Variants in TEX9 observed in about 807,000 individuals in gnomAD.
TEX9 encodes the protein testis-expressed protein 9.
In TEX9, 74 loss-of-function variants were observed where a neutral mutation model predicts 59.6. The ratio of observed to expected loss-of-function variants is 1.24; its 90% CI spans 1.03 to 1.51. TEX9 has a LOEUF of 1.51. TEX9 is among the 40% of genes most tolerant of loss of function. The probability of loss-of-function intolerance (pLI) is 0.00; values close to 1 mark genes in which losing one functional copy is unlikely to be tolerated. For synonymous variants in TEX9, 186 were observed against 152.2 expected (o/e 1.22, Z -1.64); for missense variants, 522 against 447.8 (o/e 1.17, Z -1.49).
chr15:56,385,709 CA>C (rs1292462958), intron 4 of TEX9, among the ~76,000 whole-genome samples: 2 of 151,890 alleles, frequency 1.3e-5, no homozygotes, highest in Non-Finnish European at 2.9e-5. Context: ...GAAACTCTAA[CA>C]ATGGACTATA....
chr15:56,321,806 C>G (rs2718922), intron 1 of TEX9, among the ~76,000 whole-genome samples: 75,119 of 151,948 alleles, frequency 0.49, 20,016 homozygotes, highest in Non-Finnish European at 0.6. Flanking sequence ...ATTTGAATGA[C>G]TCCTGCAGAT....
At chr15:56,258,032 A>G (rs1399790235) in intron 1 of TEX9, among the ~76,000 whole-genome samples, 3 of 151,858 alleles carry the variant, frequency 2.0e-5, no homozygotes, top group Non-Finnish European at 4.4e-5. Context: ...CCAGCACCAC[A>G]TATTAAATAG....
chr15:56,396,543 G>A (rs377399725), intron 9 of TEX9: 52 of 145,614 alleles, frequency 3.6e-4, no homozygotes, highest in African/African-American at 1.1e-3. Flanking sequence ...AAATAGAATC[G>A]CATTGGATAT....
chr15:56,323,719 A>T (rs1160244182), intron 1 of TEX9: 1 of 21,972 alleles, frequency 4.6e-5, no homozygotes, highest in Admixed American at 5.8e-4. Flanking sequence ...GAGGAGAAGG[A>T]GGAAGAGGAG....
At chr15:56,334,212 A>G (rs187036036) in intron 1 of TEX9, among the ~76,000 whole-genome samples, 4 of 152,278 alleles carry the variant, frequency 2.6e-5, no homozygotes, top group Non-Finnish European at 1.5e-5. Context: ...AGCTATCCCA[A>G]GCAAATGAAC....
chr15:56,268,466 G>A (rs543962321), intron 1 of TEX9, among the ~76,000 whole-genome samples: 58 of 152,090 alleles, frequency 3.8e-4, no homozygotes, highest in African/African-American at 1.0e-3. Context: ...TGGGTTTGTC[G>A]TAAATAGCTC....
At chr15:56,411,900 C>G (rs2049370765) in intron 9 of TEX9, among the ~76,000 whole-genome samples, 1 of 152,044 alleles carries the variant, frequency 6.6e-6, no homozygotes, top group Admixed American at 6.6e-5. Context: ...TTTACTTTGT[C>G]AGGTATACAG....
intron 1 of TEX9, among the ~76,000 whole-genome samples, chr15:56,312,153 A>G (rs1384233200): frequency 2.0e-5 from 3 of 148,688 alleles, no homozygotes; most frequent in African/African-American, 7.3e-5. Context: ...GTTTAATTAC[A>G]TCCCATTTGT....
intron 4 of TEX9, among the ~76,000 whole-genome samples, chr15:56,385,229 C>G (rs1010062018): frequency 4.6e-5 from 7 of 152,142 alleles, no homozygotes; most frequent in Admixed American, 6.6e-5. Context: ...ATTATGCCAA[C>G]AGCACACTCT....
chr15:56,329,039 T>A (rs1596093894), intron 1 of TEX9, among the ~76,000 whole-genome samples: 1 of 152,140 alleles, frequency 6.6e-6, no homozygotes, highest in South Asian at 2.1e-4. Flanking sequence ...GCCTCAGAAG[T>A]GCTGGTGTCA....
chr15:56,391,499 A>G, intron 7 of TEX9, 81 bp downstream of exon 7: 4 of 997,216 alleles, frequency 4.0e-6, no homozygotes, highest in Middle Eastern at 3.1e-4. Flanking sequence ...TATTTCTTCC[A>G]TTTAAAAAAA....
chr15:56,371,529 A>C (rs2047190129), intron 2 of TEX9, among the ~76,000 whole-genome samples: 1 of 151,050 alleles, frequency 6.6e-6, no homozygotes, highest in Admixed American at 6.6e-5. Context: ...TCTTGTTCTT[A>C]TAGTATAAAT....
chr15:56,354,259 A>G (rs185458660), intron 1 of TEX9, among the ~76,000 whole-genome samples: 50 of 152,310 alleles, frequency 3.3e-4, no homozygotes, highest in Admixed American at 2.7e-3. Flanking sequence ...CACATCTGCA[A>G]TGTTCCCCAA....
intron 10 of TEX9, among the ~76,000 whole-genome samples, chr15:56,420,119 C>T (rs1251800573): frequency 1.3e-5 from 2 of 151,568 alleles, no homozygotes; most frequent in African/African-American, 4.9e-5. Context: ...GTGGGTCATT[C>T]CCCCCTCTCA....
chr15:56,324,610 C>G (rs1207340602), intron 1 of TEX9, among the ~76,000 whole-genome samples: 2 of 152,196 alleles, frequency 1.3e-5, no homozygotes, highest in Non-Finnish European at 2.9e-5. Context: ...TTTTCCACAG[C>G]TGCATGAACG....
At chr15:56,325,924 T>C (rs1224927952) in intron 1 of TEX9, among the ~76,000 whole-genome samples, 1 of 152,202 alleles carries the variant, frequency 6.6e-6, no homozygotes, top group East Asian at 1.9e-4. Context: ...CTTCAATGAT[T>C]CCTTCACTCA....
intron 1 of TEX9, among the ~76,000 whole-genome samples, chr15:56,277,074 T>C (rs1443202575): frequency 6.6e-6 from 1 of 152,184 alleles, no homozygotes; most frequent in Admixed American, 6.5e-5. Flanking sequence ...ATTAGACCTT[T>C]GTCAGATGGA....
At chr15:56,326,652 G>T (rs2046025722) in intron 1 of TEX9, among the ~76,000 whole-genome samples, 1 of 152,116 alleles carries the variant, frequency 6.6e-6, no homozygotes. Flanking sequence ...GCCAATGAAA[G>T]GTGTGTTCGT....
At chr15:56,390,822 T>C (rs530926781) in intron 6 of TEX9, among the ~76,000 whole-genome samples, 1 of 152,106 alleles carries the variant, frequency 6.6e-6, no homozygotes, top group East Asian at 1.9e-4. Flanking sequence ...GTTTGTACAG[T>C]TTTTCTCTAG....
Sources: allele counts gnomAD v4.1 joint callset (sites outside exome capture counted in the v4.1 genomes callset), GRCh38; gene constraint gnomAD v4.1.1; transcripts MANE v1.5; gene names NCBI Gene and HGNC (gene_info 2026-07-23, HGNC 2026-07-21).